ASIC2: variants seen among roughly 807,000 people sequenced by gnomAD.
ASIC2 encodes acid sensing ion channel subunit 2, also known as acid-sensing ion channel 2.
A neutral mutation model predicts 57.3 loss-of-function variants in ASIC2; 25 were observed. The ratio of observed to expected loss-of-function variants is 0.44; its 90% CI spans 0.32 to 0.61. The LOEUF (loss-of-function observed/expected upper bound fraction) is 0.61, where lower values mean the gene tolerates loss of function less well. ASIC2 is among the 20% of genes least tolerant of loss of function. The probability of loss-of-function intolerance (pLI) is 0.06; values close to 1 mark genes in which losing one functional copy is unlikely to be tolerated. For synonymous variants in ASIC2, 319 were observed against 307.5 expected, an observed-to-expected ratio of 1.04 and a Z score of -0.39; for missense variants, 641 against 738.1, an observed-to-expected ratio of 0.87 and a Z score of 1.52.
chr17:33,999,970 G>T (rs1165345575), intron 1 of ASIC2, among the ~76,000 whole-genome samples: 1 of 151,592 alleles, frequency 6.6e-6, no homozygotes, highest in Non-Finnish European at 1.5e-5. Flanking sequence ...GATTTTGTTT[G>T]TCTGTGGAAG....
chr17:33,797,711 G>T (rs17836945), intron 1 of ASIC2, among the ~76,000 whole-genome samples: 19,435 of 152,156 alleles, frequency 0.13, 1,306 homozygotes, highest in East Asian at 0.19. Context: ...GTGAGTTTGC[G>T]CTTCCCTGGT....
At chr17:33,143,376 C>A (rs1904409728) in intron 1 of ASIC2, among the ~76,000 whole-genome samples, 1 of 152,196 alleles carries the variant, frequency 6.6e-6, no homozygotes, top group Admixed American at 6.5e-5. Flanking sequence ...CCCTTTAAAG[C>A]ATTTCACATG....
At chr17:33,878,483 G>A (rs935138696) in intron 1 of ASIC2, among the ~76,000 whole-genome samples, 8 of 152,180 alleles carry the variant, frequency 5.3e-5, no homozygotes, top group Non-Finnish European at 1.0e-4. Context: ...TAGCCGATTC[G>A]ATCAACTGGA....
intron 1 of ASIC2, among the ~76,000 whole-genome samples, chr17:33,421,681 G>A (rs1911049887): frequency 6.6e-6 from 1 of 152,194 alleles, no homozygotes; most frequent in African/African-American, 2.4e-5. Context: ...TTATGGTAGG[G>A]CCAGGAAGTA....
At chr17:33,594,348 G>C (rs1319910810) in intron 1 of ASIC2, among the ~76,000 whole-genome samples, 3 of 152,234 alleles carry the variant, frequency 2.0e-5, no homozygotes, top group African/African-American at 7.2e-5. Flanking sequence ...GGGATGGCTG[G>C]ATCAGGTGCA....
chr17:33,845,168 A>C (rs1913545987), intron 1 of ASIC2, among the ~76,000 whole-genome samples: 1 of 152,266 alleles, frequency 6.6e-6, no homozygotes, highest in Admixed American at 6.5e-5. Flanking sequence ...AGGTTCTGCA[A>C]GTCAAGTTAG....
At chr17:33,233,405 G>A (rs1908179485) in intron 1 of ASIC2, among the ~76,000 whole-genome samples, 1 of 151,900 alleles carries the variant, frequency 6.6e-6, no homozygotes, top group Admixed American at 6.6e-5. Context: ...CACCGTGTGT[G>A]TCACTCTCTC....
At chr17:33,312,448 C>A (rs550885830) in intron 1 of ASIC2, among the ~76,000 whole-genome samples, 5 of 152,136 alleles carry the variant, frequency 3.3e-5, no homozygotes, top group African/African-American at 1.2e-4. Flanking sequence ...GAGAAAGCAT[C>A]GTGGAACCCA....
intron 1 of ASIC2, among the ~76,000 whole-genome samples, chr17:33,641,372 G>T (rs866728969): frequency 2.0e-5 from 3 of 152,168 alleles, no homozygotes; most frequent in African/African-American, 7.2e-5. Flanking sequence ...TATACTATAA[G>T]CTCTGTTCTC....
At chr17:33,711,419 T>C (rs927636228) in intron 1 of ASIC2, among the ~76,000 whole-genome samples, 2 of 152,184 alleles carry the variant, frequency 1.3e-5, no homozygotes, top group Non-Finnish European at 2.9e-5. Context: ...AGGAGCCTCA[T>C]CCTCCTCCAT....
chr17:33,459,830 C>T (rs986731547), intron 1 of ASIC2, among the ~76,000 whole-genome samples: 7 of 152,198 alleles, frequency 4.6e-5, no homozygotes, highest in African/African-American at 1.7e-4. Flanking sequence ...TGAGCTCAGA[C>T]CACATTGTGG....
At chr17:33,414,110 C>T (rs1476950182) in intron 1 of ASIC2, among the ~76,000 whole-genome samples, 1 of 152,128 alleles carries the variant, frequency 6.6e-6, no homozygotes, top group Non-Finnish European at 1.5e-5. Context: ...TCTTGTCCCA[C>T]CCCTGCGAGG....
intron 1 of ASIC2, among the ~76,000 whole-genome samples, chr17:33,816,397 G>T (rs927967131): frequency 1.3e-5 from 2 of 152,174 alleles, no homozygotes; most frequent in African/African-American, 4.8e-5. Context: ...TGTCCATCAT[G>T]AGCTGATATA....
At chr17:33,538,754 C>G (rs1263759766) in intron 1 of ASIC2, among the ~76,000 whole-genome samples, 1 of 152,194 alleles carries the variant, frequency 6.6e-6, no homozygotes, top group Admixed American at 6.5e-5. Context: ...CAGGTTTTTT[C>G]TACAAGGTAG....
At chr17:33,490,011 A>C (rs1597748582) in intron 1 of ASIC2, among the ~76,000 whole-genome samples, 1 of 152,214 alleles carries the variant, frequency 6.6e-6, no homozygotes. Flanking sequence ...TTTATATTTT[A>C]TATAGTTGCA....
chr17:33,151,750 C>A (rs932542196), intron 1 of ASIC2, among the ~76,000 whole-genome samples: 1 of 152,146 alleles, frequency 6.6e-6, no homozygotes, highest in African/African-American at 2.4e-5. Context: ...CATGGGATGA[C>A]GCACCAAGAA....
At chr17:33,402,860 C>A (rs1014413391) in intron 1 of ASIC2, among the ~76,000 whole-genome samples, 3 of 152,124 alleles carry the variant, frequency 2.0e-5, no homozygotes, top group Admixed American at 2.0e-4. Context: ...GAGGAATCAC[C>A]ACAGTGTCTT....
chr17:33,356,422 A>C (rs1419808714), intron 1 of ASIC2, among the ~76,000 whole-genome samples: 4 of 152,094 alleles, frequency 2.6e-5, no homozygotes, highest in Non-Finnish European at 5.9e-5. Context: ...CCAGATTCTG[A>C]GGCTATGCAA....
intron 1 of ASIC2, among the ~76,000 whole-genome samples, chr17:33,914,976 T>C (rs1026309577): frequency 1.3e-5 from 2 of 152,208 alleles, no homozygotes; most frequent in Admixed American, 1.3e-4. Flanking sequence ...ACTCTTCATA[T>C]GGTCTGCTGT....
Sources: allele counts gnomAD v4.1 joint callset (sites outside exome capture counted in the v4.1 genomes callset), GRCh38; gene constraint gnomAD v4.1.1; transcripts MANE v1.5; gene names NCBI Gene and HGNC (gene_info 2026-07-23, HGNC 2026-07-21).